The following CCR5AS variants were observed in gnomAD, a reference collection of about 807,000 sequenced individuals.
The protein encoded by CCR5AS is CCR5 antisense RNA.
chr3:46,394,401 A>G (rs1272690951), intron 1 of CCR5AS, among the ~76,000 whole-genome samples: 2 of 152,160 alleles, frequency 1.3e-5, no homozygotes, highest in East Asian at 3.8e-4. Flanking sequence ...TGGAACATTC[A>G]GGATTCTTAG....
At chr3:46,365,574 G>C (rs930438941) in intron 3 of CCR5AS, among the ~76,000 whole-genome samples, 8 of 152,204 alleles carry the variant, frequency 5.3e-5, no homozygotes, top group African/African-American at 1.9e-4. Flanking sequence ...ATCTCACCAA[G>C]GTGTGCCTGA....
intron 2 of CCR5AS, among the ~76,000 whole-genome samples, chr3:46,386,344 G>A (rs6787972): frequency 0.17 from 25,343 of 152,158 alleles, 2,492 homozygotes; most frequent in African/African-American, 0.27. Flanking sequence ...TGCAGTCAAC[G>A]TCTCACCAGT....
intron 2 of CCR5AS, among the ~76,000 whole-genome samples, chr3:46,380,783 C>A (rs1021666835): frequency 1.3e-5 from 2 of 152,244 alleles, no homozygotes; most frequent in East Asian, 1.9e-4. Context: ...TTAAATCCAA[C>A]CTCAAATAGT....
intron 2 of CCR5AS, among the ~76,000 whole-genome samples, chr3:46,392,318 C>G (rs1291947930): frequency 6.6e-6 from 1 of 152,150 alleles, no homozygotes; most frequent in Non-Finnish European, 1.5e-5. Context: ...TAAAATTACC[C>G]CACTCTGGTG....
chr3:46,389,714 T>G (rs1440090128), intron 2 of CCR5AS, among the ~76,000 whole-genome samples: 1 of 152,062 alleles, frequency 6.6e-6, no homozygotes, highest in Non-Finnish European at 1.5e-5. Context: ...GTCTATGGGA[T>G]TAGTTAAATT....
chr3:46,404,456 T>C (rs999673532), intron 1 of CCR5AS, among the ~76,000 whole-genome samples: 3 of 149,296 alleles, frequency 2.0e-5, no homozygotes, highest in African/African-American at 4.9e-5. Flanking sequence ...TGCTTCAGCC[T>C]CCCGAGTAGC....
At chr3:46,383,882 G>A (rs776407756) in intron 2 of CCR5AS, among the ~76,000 whole-genome samples, 2 of 152,186 alleles carry the variant, frequency 1.3e-5, no homozygotes, top group Non-Finnish European at 2.9e-5. Context: ...TGCCATGAAA[G>A]AGAGTCCCTG....
At chr3:46,391,147 G>A (rs560476161) in intron 2 of CCR5AS, among the ~76,000 whole-genome samples, 19 of 152,278 alleles carry the variant, frequency 1.2e-4, no homozygotes, top group Middle Eastern at 3.4e-3. Flanking sequence ...GTGGGGTCTC[G>A]CACAGATGGG....
chr3:46,396,313 G>A (rs79499452), intron 1 of CCR5AS, among the ~76,000 whole-genome samples: 2 of 151,954 alleles, frequency 1.3e-5, no homozygotes, highest in Admixed American at 6.5e-5. Context: ...CAGCAGCATA[G>A]TTTAAGGGAG....
chr3:46,364,634 CTA>C (rs3054358), exon 4 of CCR5AS, among the ~76,000 whole-genome samples: 15 of 149,314 alleles, frequency 1.0e-4, no homozygotes, highest in Admixed American at 1.3e-4. Context: ...TAAGAAATAG[CTA>C]TATATATATA....
intron 2 of CCR5AS, among the ~76,000 whole-genome samples, chr3:46,390,635 G>C (rs562613331): frequency 2.6e-5 from 4 of 152,240 alleles, no homozygotes; most frequent in Admixed American, 2.6e-4. Context: ...AGATACAAGG[G>C]GAGGATGTGA....
intron 2 of CCR5AS, among the ~76,000 whole-genome samples, chr3:46,382,372 C>T (rs1048710084): frequency 3.3e-5 from 5 of 152,200 alleles, no homozygotes; most frequent in Non-Finnish European, 7.3e-5. Context: ...GTCTATAAAA[C>T]CCCATGCATT....
At chr3:46,368,486 C>G (rs937622122) in intron 3 of CCR5AS, among the ~76,000 whole-genome samples, 1 of 152,174 alleles carries the variant, frequency 6.6e-6, no homozygotes, top group South Asian at 2.1e-4. Context: ...GCTGAACCCC[C>G]CTGTCCTGAG....
chr3:46,367,427 A>C (rs1179975103), intron 3 of CCR5AS, among the ~76,000 whole-genome samples: 2 of 151,976 alleles, frequency 1.3e-5, no homozygotes, highest in Admixed American at 1.3e-4. Flanking sequence ...ATTAATCGAA[A>C]AGTGCATGGG....
intron 1 of CCR5AS, among the ~76,000 whole-genome samples, chr3:46,395,151 G>A (rs1701948595): frequency 6.6e-6 from 1 of 152,170 alleles, no homozygotes; most frequent in African/African-American, 2.4e-5. Flanking sequence ...AGGACTTTTA[G>A]GGAGGCATAT....
chr3:46,389,959 G>T (rs1250619781), intron 2 of CCR5AS, among the ~76,000 whole-genome samples: 1 of 152,180 alleles, frequency 6.6e-6, no homozygotes, highest in African/African-American at 2.4e-5. Context: ...GCAATACTTT[G>T]TACCCCTTTG....
At chr3:46,404,504 A>C (rs1702030396) in intron 1 of CCR5AS, among the ~76,000 whole-genome samples, 1 of 151,398 alleles carries the variant, frequency 6.6e-6, no homozygotes, top group Non-Finnish European at 1.5e-5. Flanking sequence ...CTCCTGGCTA[A>C]TTTTTGTATT....
intron 1 of CCR5AS, among the ~76,000 whole-genome samples, chr3:46,395,991 G>A (rs548849213): frequency 6.6e-6 from 1 of 152,296 alleles, no homozygotes; most frequent in South Asian, 2.1e-4. Context: ...TGGAGACTCT[G>A]GGACTGTCCT....
chr3:46,376,904 A>G (rs1701766828), intron 2 of CCR5AS, among the ~76,000 whole-genome samples: 1 of 152,164 alleles, frequency 6.6e-6, no homozygotes, highest in African/African-American at 2.4e-5. Flanking sequence ...TTGGAGGTGC[A>G]TGAAATGAGC....
Sources: allele counts gnomAD v4.1 joint callset (sites outside exome capture counted in the v4.1 genomes callset), GRCh38; gene constraint gnomAD v4.1.1; transcripts MANE v1.5; gene names NCBI Gene and HGNC (gene_info 2026-07-23, HGNC 2026-07-21).